OLAH: variants seen among roughly 807,000 people sequenced by gnomAD.
OLAH encodes the protein S-acyl fatty acid synthase thioesterase, medium chain.
In OLAH, 33 loss-of-function variants were observed where a neutral mutation model predicts 27.8. That is an observed-to-expected ratio of 1.19 (90% CI 0.90 to 1.59). OLAH has a LOEUF of 1.59. Among genes scored for constraint, OLAH ranks in the 40% most tolerant of loss-of-function variants. The probability of loss-of-function intolerance (pLI) is 0.00; values close to 1 mark genes in which losing one functional copy is unlikely to be tolerated. For missense variants in OLAH, 359 were observed against 310.8 expected, an observed-to-expected ratio of 1.16 and a Z score of -1.17; for synonymous variants, 120 against 102.9, an observed-to-expected ratio of 1.17 and a Z score of -1.01.
intron 3 of OLAH, among the ~76,000 whole-genome samples, chr10:15,052,437 T>A (rs1200615345): frequency 6.6e-6 from 1 of 152,188 alleles, no homozygotes; most frequent in East Asian, 1.9e-4. Flanking sequence ...TACTTTCTTT[T>A]TAAGAAAATT....
At chr10:15,073,021 AT>A in intron 7 of OLAH, 65 bp from the exon 8 acceptor site, 1 of 1,464,078 alleles carries the variant, frequency 6.8e-7, no homozygotes, top group Non-Finnish European at 9.5e-7. Flanking sequence ...TAAAGAAATG[AT>A]GTCTTGATGT....
At chr10:15,063,423 A>G (rs1217782250) in intron 4 of OLAH, among the ~76,000 whole-genome samples, 1 of 152,216 alleles carries the variant, frequency 6.6e-6, no homozygotes, top group Non-Finnish European at 1.5e-5. Flanking sequence ...GAGGCACTGC[A>G]TCCAGCCTGT....
chr10:15,068,000 C>G (rs1844501711), intron 6 of OLAH: 1 of 152,180 alleles, frequency 6.6e-6, no homozygotes, highest in African/African-American at 2.4e-5. Context: ...TGATATCATC[C>G]CAAATCTCTT....
At chr10:15,037,580 C>CAAAAAAAAAAAAAA (rs66522152) in intron 1 of OLAH, among the ~76,000 whole-genome samples, 10 of 141,250 alleles carry the variant, frequency 7.1e-5, no homozygotes, top group African/African-American at 1.0e-4. Context: ...GACTCCGTAT[C>CAAAAAAAAAAAAAA]AAAAAAAAAA....
intron 6 of OLAH, among the ~76,000 whole-genome samples, chr10:15,069,191 C>T (rs1844530951): frequency 6.6e-6 from 1 of 152,188 alleles, no homozygotes; most frequent in Admixed American, 6.5e-5. Flanking sequence ...CATGCCTGCT[C>T]CTTCTCTCTT....
intron 7 of OLAH, 69 bp downstream of exon 7, chr10:15,071,946 TC>T (rs1192796643): frequency 3.3e-6 from 4 of 1,194,334 alleles, no homozygotes; most frequent in East Asian, 2.4e-5. Context: ...TTTTTTTTTT[TC>T]TTTTGAGACA....
chr10:15,066,530 G>C (rs1844470359), intron 6 of OLAH, among the ~76,000 whole-genome samples: 1 of 151,864 alleles, frequency 6.6e-6, no homozygotes, highest in Non-Finnish European at 1.5e-5. Flanking sequence ...TGTCTGTATA[G>C]ACACTTGATT....
intron 2 of OLAH, among the ~76,000 whole-genome samples, 158 bp from the exon 3 acceptor site, chr10:15,049,477 C>A (rs1844089821): frequency 6.6e-6 from 1 of 152,074 alleles, no homozygotes. Context: ...CTGTAAAAAT[C>A]TTTTTTGCCC....
chr10:15,067,378 G>T (rs10906819), intron 6 of OLAH, among the ~76,000 whole-genome samples: 18,064 of 104,022 alleles, frequency 0.17, 1,381 homozygotes, highest in East Asian at 0.45. Flanking sequence ...ATCAAAGAAG[G>T]GATAAGAATA....
chr10:15,056,131 T>A (rs1844240529), intron 3 of OLAH, among the ~76,000 whole-genome samples: 1 of 152,332 alleles, frequency 6.6e-6, no homozygotes, highest in Non-Finnish European at 1.5e-5. Flanking sequence ...ATTACAGACA[T>A]TTCTCTGAAA....
intron 2 of OLAH, 127 bp downstream of exon 2, chr10:15,047,447 C>A (rs1287245459): frequency 1.1e-6 from 1 of 931,474 alleles, no homozygotes; most frequent in Non-Finnish European, 1.7e-6. Context: ...GTAATCCCAG[C>A]ACTTTGGGAG....
chr10:15,064,423 T>C lies in OLAH; in HGVS notation c.323T>C (p.Phe108Ser). ...FGHSMGSYIA[F>S]RTALGLKENN... ...TTTAGTATGGGATCCTACATTGCTT[T>C]TAGGACTGCACTAGGTCTAAAAGAA... The change falls in exon 5 of 8, where the codon TTT becomes TCT. Residue 108 changes from phenylalanine to serine, a missense_variant. Transcript: ENST00000378228. The C allele has an allele frequency of 6.3e-7, 1 of 1,599,404 alleles. No individual in the cohort carries two copies. Among genetic ancestry groups the C allele is most frequent in the Non-Finnish European group, 8.5e-7 (1 of 1,174,210 alleles).
intron 6 of OLAH, among the ~76,000 whole-genome samples, chr10:15,070,391 A>G (rs555684309): frequency 6.6e-6 from 1 of 152,222 alleles, no homozygotes; most frequent in East Asian, 1.9e-4. Context: ...AGGACAACCA[A>G]CTAGACTTAT....
At chr10:15,041,886 G>A (rs776817774), upstream of OLAH, among the ~76,000 whole-genome samples, 2 of 151,942 alleles carry the variant, frequency 1.3e-5, no homozygotes, top group Non-Finnish European at 2.9e-5. Flanking sequence ...CCACACCTTT[G>A]ACCCGTTGGC....
At chr10:15,064,532 G>T in intron 5 of OLAH, 30 bp downstream of exon 5, 1 of 1,227,514 alleles carries the variant, frequency 8.1e-7, no homozygotes, top group Non-Finnish European at 1.2e-6. Flanking sequence ...CCTAGGAAGG[G>T]CAGTGGAGAG....
chr10:15,041,031 G>C (rs997875852), upstream of OLAH, among the ~76,000 whole-genome samples: 1 of 152,184 alleles, frequency 6.6e-6, no homozygotes, highest in Admixed American at 6.5e-5. Flanking sequence ...CTCTCTTGAA[G>C]ACAGTGAACA....
At chr10:15,036,370 T>C (rs2131325636) in intron 1 of OLAH, among the ~76,000 whole-genome samples, 1 of 152,028 alleles carries the variant, frequency 6.6e-6, no homozygotes, top group South Asian at 2.1e-4. Flanking sequence ...TGGTGGTGAG[T>C]GCCTGTAATC....
intron 1 of OLAH, among the ~76,000 whole-genome samples, chr10:15,046,358 G>A (rs1018133117): frequency 2.0e-5 from 3 of 148,736 alleles, no homozygotes; most frequent in African/African-American, 7.7e-5. Context: ...ATAAATGACA[G>A]TTCTTTCAGT....
At chr10:15,071,473 G>T in intron 6 of OLAH, 1 of 961,984 alleles carries the variant, frequency 1.0e-6, no homozygotes. Flanking sequence ...AGAGCTAAGA[G>T]TTACTAAAGA....
Sources: allele counts gnomAD v4.1 joint callset (sites outside exome capture counted in the v4.1 genomes callset), GRCh38; gene constraint gnomAD v4.1.1; transcripts MANE v1.5; gene names NCBI Gene and HGNC (gene_info 2026-07-23, HGNC 2026-07-21).